The following AKR1C8 variants were observed in gnomAD, a reference collection of about 807,000 sequenced individuals.
The protein encoded by AKR1C8 is aldo-keto reductase family 1 member C8, also known as aldo-keto reductase family 1 member C-like protein 1.
the AKR1C8 span, among the ~76,000 whole-genome samples, chr10:5,181,674 A>G: frequency 6.6e-6 from 1 of 152,212 alleles, no homozygotes; most frequent in African/African-American, 2.4e-5. Flanking sequence ...CCAAAACCAT[A>G]TAAGATGTCT....
chr10:5,176,826 T>C, the AKR1C8 span, among the ~76,000 whole-genome samples: 3 of 152,166 alleles, frequency 2.0e-5, no homozygotes, highest in African/African-American at 7.2e-5. Context: ...GTACATTGAG[T>C]TTGTATCCTG....
At chr10:5,142,869 T>C in the AKR1C8 span, among the ~76,000 whole-genome samples, 1 of 152,118 alleles carries the variant, frequency 6.6e-6, no homozygotes, top group Non-Finnish European at 1.5e-5. Context: ...AAAATGGTAC[T>C]AACAGGCTTG....
the AKR1C8 span, among the ~76,000 whole-genome samples, chr10:5,136,728 A>T: frequency 1.3e-5 from 2 of 152,320 alleles, no homozygotes; most frequent in Non-Finnish European, 2.9e-5. Context: ...TCCAGGATGC[A>T]ACTATATGTT....
chr10:5,128,197 G>A, the AKR1C8 span, among the ~76,000 whole-genome samples: 13 of 152,020 alleles, frequency 8.6e-5, no homozygotes, highest in African/African-American at 2.9e-4. Flanking sequence ...CATAATTGAA[G>A]GAGAAATACA....
At chr10:5,160,063 C>T in the AKR1C8 span, 8 of 309,534 alleles carry the variant, frequency 2.6e-5, 2 homozygotes, top group South Asian at 5.1e-5. Flanking sequence ...TTTCAATTGG[C>T]GTTTGACTTT....
the AKR1C8 span, among the ~76,000 whole-genome samples, chr10:5,140,180 T>C: frequency 7.9e-5 from 12 of 152,092 alleles, no homozygotes; most frequent in Admixed American, 2.0e-4. Context: ...GAAATAGGAA[T>C]GTTTTTACAC....
the AKR1C8 span, among the ~76,000 whole-genome samples, chr10:5,145,005 G>C: frequency 6.6e-6 from 1 of 151,510 alleles, no homozygotes; most frequent in Non-Finnish European, 1.5e-5. Context: ...TTGGCTGTGG[G>C]TTTGTCATAG....
chr10:5,142,770 A>C, the AKR1C8 span, among the ~76,000 whole-genome samples: 12 of 152,138 alleles, frequency 7.9e-5, no homozygotes, highest in African/African-American at 1.9e-4. Context: ...CATTACCATA[A>C]CAGATATAAT....
At chr10:5,156,624 C>T in the AKR1C8 span, among the ~76,000 whole-genome samples, 1 of 152,188 alleles carries the variant, frequency 6.6e-6, no homozygotes, top group East Asian at 1.9e-4. Flanking sequence ...TTATCCACCA[C>T]TCTTTTTAAA....
At chr10:5,123,947 T>C in the AKR1C8 span, 1 of 958,718 alleles carries the variant, frequency 1.0e-6, no homozygotes, top group East Asian at 2.8e-5. Flanking sequence ...CTGACAATAT[T>C]ACTGTCAACT....
the AKR1C8 span, among the ~76,000 whole-genome samples, chr10:5,176,780 G>T: frequency 1.3e-5 from 2 of 152,100 alleles, no homozygotes; most frequent in African/African-American, 4.8e-5. Flanking sequence ...CTCTCTGTTT[G>T]TCTGTTATTG....
the AKR1C8 span, among the ~76,000 whole-genome samples, chr10:5,137,729 A>G: frequency 6.6e-6 from 1 of 152,148 alleles, no homozygotes; most frequent in East Asian, 1.9e-4. Context: ...CATGAGTGTC[A>G]GCCAGCTGAG....
chr10:5,160,792 G>C, the AKR1C8 span: 1 of 470,976 alleles, frequency 2.1e-6, no homozygotes, highest in Non-Finnish European at 4.4e-6. Context: ...GTGCTGCCTG[G>C]TGTCTGCAGC....
chr10:5,149,394 G>C, the AKR1C8 span, among the ~76,000 whole-genome samples: 1 of 151,980 alleles, frequency 6.6e-6, no homozygotes, highest in South Asian at 2.1e-4. Context: ...AATAATTATT[G>C]TTCAATAGGC....
At chr10:5,121,820 C>T in the AKR1C8 span, among the ~76,000 whole-genome samples, 100 of 152,104 alleles carry the variant, frequency 6.6e-4, no homozygotes, top group Non-Finnish European at 9.7e-4. Context: ...GCGTCCAAAG[C>T]GTAGGACCCA....
the AKR1C8 span, among the ~76,000 whole-genome samples, chr10:5,133,845 G>C: frequency 6.6e-6 from 1 of 152,136 alleles, no homozygotes; most frequent in African/African-American, 2.4e-5. Context: ...GTGCATGACA[G>C]AAGTAAATAT....
the AKR1C8 span, chr10:5,123,346 G>C: frequency 6.1e-4 from 178 of 290,484 alleles, 1 homozygote; most frequent in African/African-American, 3.8e-3. Context: ...GCAGCTGGTA[G>C]CACAGAGCAA....
the AKR1C8 span, chr10:5,162,718 C>A: frequency 5.5e-6 from 2 of 361,760 alleles, no homozygotes; most frequent in South Asian, 5.2e-5. Flanking sequence ...GTAAGAAAGT[C>A]TTTTCTGTTT....
At chr10:5,128,303 A>G in the AKR1C8 span, among the ~76,000 whole-genome samples, 97,733 of 152,018 alleles carry the variant, frequency 0.64, 32,263 homozygotes, top group African/African-American at 0.7. Context: ...CAACCAAAAG[A>G]CTGTTATACA....
Sources: allele counts gnomAD v4.1 joint callset (sites outside exome capture counted in the v4.1 genomes callset), GRCh38; gene constraint gnomAD v4.1.1; transcripts MANE v1.5; gene names NCBI Gene and HGNC (gene_info 2026-07-23, HGNC 2026-07-21).